ADAMTS17: variants seen among roughly 807,000 people sequenced by gnomAD.
ADAMTS17 encodes ADAM metallopeptidase with thrombospondin type 1 motif 17, also known as A disintegrin and metalloproteinase with thrombospondin motifs 17.
A neutral mutation model predicts 141.5 loss-of-function variants in ADAMTS17; 113 were observed. The ratio of observed to expected loss-of-function variants is 0.80; its 90% CI spans 0.69 to 0.93. The LOEUF (loss-of-function observed/expected upper bound fraction) is 0.93. ADAMTS17 is among the 40% of genes least tolerant of loss of function. The probability of loss-of-function intolerance (pLI) is 0.00; values close to 1 mark genes in which losing one functional copy is unlikely to be tolerated. For missense variants in ADAMTS17, 1,659 were observed against 1,517.9 expected, an observed-to-expected ratio of 1.09 and a Z score of -1.54; for synonymous variants, 768 against 630.6, an observed-to-expected ratio of 1.22 and a Z score of -3.27.
Position 100,238,149 on chromosome 15 carries a change from A to C in ADAMTS17, c.1075+15987T>G, listed in dbSNP as rs2042715597. On this transcript the variant is annotated intron_variant, in intron 7 of 21. Transcript: ENST00000268070. ...TAGTGTTGGCATAGGCAACCTCAAC[A>C]CTTCTAATGGCCCTGGCCTGCAAAC... 2.0e-5 allele frequency among the ~76,000 whole-genome samples: 3 copies of C among 152,074 alleles called. No homozygotes were observed. In the South Asian group the frequency reaches 6.2e-4, roughly 31 times the overall value.
At chr15:100,095,887 T>C (rs187529008) in intron 15 of ADAMTS17, among the ~76,000 whole-genome samples, 25 of 152,368 alleles carry the variant, frequency 1.6e-4, no homozygotes, top group African/African-American at 5.8e-4. Context: ...GAGTCACAGC[T>C]GGCAGTGGCA....
chr15:100,176,358 G>A (rs890830029), intron 8 of ADAMTS17, among the ~76,000 whole-genome samples: 3 of 152,182 alleles, frequency 2.0e-5, no homozygotes, highest in African/African-American at 7.2e-5. Context: ...ACGTGTTGGA[G>A]TCGCCTAAGG....
chr15:99,974,365 C>T lies in ADAMTS17; in HGVS notation c.*37G>A. ...GCTTGCGGGTGGGTGGGTTTCAGAC[C>T]TGAGTCTGAGCTTTGAGCGACCCTT... On this transcript the variant is annotated 3_prime_UTR_variant, in exon 22 of 22. Transcript: ENST00000268070. 8.1e-6 allele frequency: 13 copies of T among 1,613,534 alleles called. No individual in the cohort carries two copies. Among genetic ancestry groups the T allele is most frequent in the Non-Finnish European group, 1.1e-5 (13 of 1,179,994 alleles).
At chr15:100,107,616 T>A (rs34152537) in intron 14 of ADAMTS17, among the ~76,000 whole-genome samples, 39,450 of 151,672 alleles carry the variant, frequency 0.26, 5,537 homozygotes, top group East Asian at 0.37. Flanking sequence ...GGTGACTGGG[T>A]CATGAGGGCA....
At chr15:100,063,895 A>C (rs2033317774) in intron 15 of ADAMTS17, 2 of 514,520 alleles carry the variant, frequency 3.9e-6, no homozygotes, top group Non-Finnish European at 6.7e-6. Context: ...CAGAAGAAGG[A>C]GGCTCTCCTA....
intron 15 of ADAMTS17, among the ~76,000 whole-genome samples, chr15:100,062,360 T>G (rs990166646): frequency 6.6e-5 from 10 of 152,052 alleles, no homozygotes; most frequent in African/African-American, 2.2e-4. Context: ...ATCCACAGAG[T>G]GTGGTGCCAG....
chr15:100,275,752 C>G (rs1391109933), intron 4 of ADAMTS17, among the ~76,000 whole-genome samples: 2 of 151,838 alleles, frequency 1.3e-5, no homozygotes, highest in South Asian at 4.2e-4. Context: ...GCTGGTGCAT[C>G]ATAAGCAGTC....
At chr15:100,239,077 G>A (rs35134590) in intron 7 of ADAMTS17, among the ~76,000 whole-genome samples, 3 of 152,306 alleles carry the variant, frequency 2.0e-5, no homozygotes, top group Non-Finnish European at 2.9e-5. Flanking sequence ...GCAACAGAGC[G>A]AGACTCCGTC....
chr15:100,101,338 T>G (rs150085346), intron 14 of ADAMTS17, among the ~76,000 whole-genome samples: 52 of 152,352 alleles, frequency 3.4e-4, no homozygotes, highest in African/African-American at 1.2e-3. Flanking sequence ...CCTGTCTGTA[T>G]GTTGGACAGG....
chr15:99,977,638 A>T (rs1167010931), intron 20 of ADAMTS17, among the ~76,000 whole-genome samples: 1 of 149,922 alleles, frequency 6.7e-6, no homozygotes, highest in Non-Finnish European at 1.5e-5. Flanking sequence ...CTGGTCTTGA[A>T]CTCCTGACCT....
At chr15:100,056,804 C>T (rs1158705342) in intron 15 of ADAMTS17, among the ~76,000 whole-genome samples, 1 of 152,116 alleles carries the variant, frequency 6.6e-6, no homozygotes, top group Non-Finnish European at 1.5e-5. Context: ...TTGAGGGCCT[C>T]CTCACTGCTG....
chr15:100,185,391 T>C (rs1199722800), intron 8 of ADAMTS17, among the ~76,000 whole-genome samples: 2 of 152,356 alleles, frequency 1.3e-5, no homozygotes, highest in African/African-American at 2.4e-5. Context: ...ACCCACAGTG[T>C]GCACTGCTCA....
chr15:100,218,932 TAC>T (rs2141769958), intron 7 of ADAMTS17, among the ~76,000 whole-genome samples: 1 of 152,328 alleles, frequency 6.6e-6, no homozygotes, highest in Admixed American at 6.5e-5. Flanking sequence ...CACGTCCATC[TAC>T]ACATGCATAT....
chr15:100,173,850 C>A (rs550929289), intron 8 of ADAMTS17, among the ~76,000 whole-genome samples: 2 of 152,152 alleles, frequency 1.3e-5, no homozygotes, highest in African/African-American at 2.4e-5. Context: ...GGAGTACAGG[C>A]CAGGCATCTG....
chr15:100,210,230 C>CAAAAAAAAAAAA (rs34086690), intron 7 of ADAMTS17, among the ~76,000 whole-genome samples: 1 of 31,216 alleles, frequency 3.2e-5, no homozygotes, highest in African/African-American at 1.1e-4. Flanking sequence ...GACTCCATCT[C>CAAAAAAAAAAAA]AAAAAAAAAA....
At chr15:99,991,374 A>G (rs2060686727) in intron 20 of ADAMTS17, among the ~76,000 whole-genome samples, 4 of 152,390 alleles carry the variant, frequency 2.6e-5, no homozygotes, top group East Asian at 1.9e-4. Flanking sequence ...ATGAACAGAC[A>G]CTTCTCAAAA....
chr15:100,013,898 T>C (rs978819741), intron 18 of ADAMTS17, among the ~76,000 whole-genome samples: 5 of 152,234 alleles, frequency 3.3e-5, no homozygotes, highest in African/African-American at 1.2e-4. Context: ...GCTGGCTTCA[T>C]AGAATGAATG....
intron 2 of ADAMTS17, chr15:100,339,097 G>C: frequency 1.0e-6 from 1 of 985,482 alleles, no homozygotes; most frequent in Middle Eastern, 5.2e-4. Context: ...AAAAGCTGAA[G>C]TCTTAGAGGT....
rs1429632070 is a variant in ADAMTS17 at position 100,338,278 on chromosome 15, A to G, written c.450+2761T>C. Among the ~76,000 whole-genome samples the G allele has an allele frequency of 2.0e-5, 3 of 152,154 alleles. No individual in the cohort carries two copies. The East Asian group carries it at 5.8e-4, about 29-fold the overall frequency. ...CCCCTAAACAGCTACGGAATGATCTATTCTAATAATTCGTCTCCTTTAAAC... is the reference window on the plus strand; with the variant it reads ...CCCCTAAACAGCTACGGAATGATCTGTTCTAATAATTCGTCTCCTTTAAAC... On this transcript the variant is annotated intron_variant, in intron 2 of 21. Coordinates refer to ENST00000268070, the MANE Select transcript of ADAMTS17 (RefSeq NM_139057.4).
Sources: gnomAD v4.1 joint callset for allele counts (sites outside exome capture counted in the v4.1 genomes callset) on GRCh38, gnomAD v4.1.1 for gene constraint, MANE v1.5 for transcripts, NCBI Gene and HGNC (gene_info 2026-07-23, HGNC 2026-07-21) for gene names.